ADGRE5: variants seen among roughly 807,000 people sequenced by gnomAD.
The protein encoded by ADGRE5 is CD97 molecule.
Under a neutral mutation model 100.3 loss-of-function variants are expected in ADGRE5, and 72 were observed. The ratio of observed to expected loss-of-function variants is 0.72; its 90% CI spans 0.59 to 0.87. ADGRE5 has a LOEUF of 0.87. ADGRE5 is among the 40% of genes least tolerant of loss of function. The pLI is 0.00. For synonymous variants in ADGRE5, 439 were observed against 447.8 expected, an observed-to-expected ratio of 0.98 and a Z score of 0.25; for missense variants, 959 against 1,094.7, an observed-to-expected ratio of 0.88 and a Z score of 1.75.
At chr19:14,397,006 T>C (rs541751483) in intron 5 of ADGRE5, 71 bp from the exon 6 acceptor site, 1 of 1,455,114 alleles carries the variant, frequency 6.9e-7, no homozygotes, top group South Asian at 1.3e-5. Flanking sequence ...GATAGGGGAG[T>C]GGGTGCAGTG....
At chr19:14,395,311 A>C (rs893153315) in intron 4 of ADGRE5, among the ~76,000 whole-genome samples, 31 of 151,738 alleles carry the variant, frequency 2.0e-4, no homozygotes, top group African/African-American at 7.3e-4. Context: ...CAAAAAAAAA[A>C]AAAAAAAACA....
In ADGRE5 at chr19:14,404,405, A is replaced by C; in HGVS notation, c.1472A>C (p.Gln491Pro). The C allele has an allele frequency of 6.2e-7, 1 of 1,610,502 alleles. No homozygotes were observed. Among genetic ancestry groups the C allele is most frequent in the Non-Finnish European group, 8.5e-7 (1 of 1,179,152 alleles). Reference sequence around the variant, plus strand: ...CAGGACGTGATGCCTGGGCCACGGCAGGAGCTGCTCTGTGCCTTCTGGAAG... The same window carrying C: ...CAGGACGTGATGCCTGGGCCACGGCCGGAGCTGCTCTGTGCCTTCTGGAAG... Reference protein sequence around the residue: ...PAKDVMPGPRQELLCAFWKSD... With the variant: ...PAKDVMPGPRPELLCAFWKSD... Residue 491 changes from glutamine (Q) to proline (P), a missense_variant, in exon 13 of 20, where the codon CAG (glutamine) becomes CCG (proline). Coordinates refer to ENST00000242786, the MANE Select transcript of ADGRE5 (RefSeq NM_078481.4).
chr19:14,407,898 G>C lies in ADGRE5; in HGVS notation c.2377-10G>C. 1 of 1,613,404 alleles carries C rather than the reference G, an allele frequency of 6.2e-7. No individual in the cohort carries two copies. The highest frequency in any genetic ancestry group is 8.5e-7 in the Non-Finnish European group (1 of 1,179,532). On this transcript the variant is annotated splice_polypyrimidine_tract_variant and intron_variant, in intron 18 of 19. Coordinates refer to ENST00000242786, the MANE Select transcript of ADGRE5 (RefSeq NM_078481.4). ...CTGCTCCTGCCCTGACTTGGTGTCT[G>C]GGCCGGCAGGTTCGGGAAGAATACC...
At position 14,397,814 on chromosome 19, in the gene ADGRE5, G is replaced by A; in HGVS notation, c.772+10G>A. ...GACACTGTCTGTGAAGGTATGACCT[G>A]GCCCTAGAAGCTCCCCACCCCCAGC... On this transcript the variant is annotated intron_variant, in intron 7 of 19. Coordinates refer to ENST00000242786, the MANE Select transcript of ADGRE5 (RefSeq NM_078481.4). 2.0e-6 allele frequency: 2 copies of A among 1,008,542 alleles called. No individual in the cohort carries two copies. Among genetic ancestry groups the A allele is most frequent in the Non-Finnish European group, 2.7e-6 (2 of 730,794 alleles). 62.5% of individuals were successfully genotyped at this position (1,008,542 alleles called of 1,614,324 possible). A position where few individuals can be genotyped will look rare whatever the true frequency, so the allele number is the denominator to read the frequency against.
At chr19:14,391,159 G>T (rs1352448335) in intron 4 of ADGRE5, 80 bp downstream of exon 4, 3 of 1,583,968 alleles carry the variant, frequency 1.9e-6, no homozygotes, top group Admixed American at 3.4e-5. Context: ...CATCCAGAGA[G>T]CAGGGCCTTG....
At chr19:14,404,332 C>T in intron 12 of ADGRE5, 51 bp from the exon 13 acceptor site, 2 of 1,559,726 alleles carry the variant, frequency 1.3e-6, no homozygotes, top group Non-Finnish European at 8.7e-7. Context: ...AGCCCAGGAC[C>T]TAAGAGTGAG....
At chr19:14,384,791 T>C (rs569980095) in intron 1 of ADGRE5, among the ~76,000 whole-genome samples, 5 of 151,718 alleles carry the variant, frequency 3.3e-5, no homozygotes, top group Non-Finnish European at 7.4e-5. Context: ...TCTATCACCA[T>C]GTAATTTCTG....
Position 14,406,857 on chromosome 19 carries a change from C to T in ADGRE5, c.2116-12C>T, listed in dbSNP as rs371916473. ...CTCTCGCCCTCTAACCCACAATCTG[C>T]TCCCTGCCCAGTGCAATGCTGTCAT... On this transcript the variant is annotated splice_polypyrimidine_tract_variant and intron_variant, in intron 16 of 19. Transcript: ENST00000242786. This position sits in a 1 kb window ranked among gnomAD's most constrained non-coding sequence, Gnocchi z 6.0. The T allele has an allele frequency of 1.9e-6, 3 of 1,613,632 alleles. No homozygotes were observed. Among genetic ancestry groups the T allele is most frequent in the Admixed American group, 3.3e-5 (2 of 60,032 alleles).
At chr19:14,388,323 CTCTGAACGACCGTCAGGA>C in intron 1 of ADGRE5, 109 bp from the exon 2 acceptor site, 2 of 1,474,980 alleles carry the variant, frequency 1.4e-6, no homozygotes, top group Non-Finnish European at 1.8e-6. Context: ...CATCTGCTCA[CTCTGAACGACCGTCAGGA>C]TCTGAGCCTG....
chr19:14,390,179 G>A (rs1298095110), intron 3 of ADGRE5, among the ~76,000 whole-genome samples: 2 of 151,820 alleles, frequency 1.3e-5, no homozygotes, highest in Admixed American at 1.3e-4. Context: ...GGAAATAAGG[G>A]AAGAATATGA....
At chr19:14,407,792 C>CA (rs758451699) in intron 18 of ADGRE5, 116 bp from the exon 19 acceptor site, 110 of 862,014 alleles carry the variant, frequency 1.3e-4, no homozygotes, top group Non-Finnish European at 1.7e-4. Context: ...GACCCGATCT[C>CA]AAAAAAAAGA....
chr19:14,384,398 C>T (rs942238485), intron 1 of ADGRE5, among the ~76,000 whole-genome samples: 4 of 152,196 alleles, frequency 2.6e-5, no homozygotes, highest in African/African-American at 7.2e-5. Context: ...GGAAGCCCCT[C>T]CAGGGTTGAA....
chr19:14,408,320 G>A lies in ADGRE5; in HGVS notation c.*199G>A, dbSNP rs1976372713. 3.1e-6 allele frequency: 2 copies of A among 655,058 alleles called. No individual in the cohort carries two copies. Among genetic ancestry groups the A allele is most frequent in the Middle Eastern group, 4.1e-4 (1 of 2,428 alleles). 40.6% of individuals were successfully genotyped at this position (655,058 alleles called of 1,614,324 possible). On this transcript the variant is annotated 3_prime_UTR_variant, in exon 20 of 20. Coordinates refer to ENST00000242786, the MANE Select transcript of ADGRE5 (RefSeq NM_078481.4). ...CAGTGGGGTGGAGTCGGAGCCACTG[G>A]TCCTGCTGCTGGCTGCCTCTCTGCT...
chr19:14,402,309 C>T (rs1040887111), intron 11 of ADGRE5, among the ~76,000 whole-genome samples: 2 of 151,860 alleles, frequency 1.3e-5, no homozygotes, highest in African/African-American at 4.8e-5. Context: ...GTGGCAGGTG[C>T]CTATAATCCC....
chr19:14,405,658 C>T, intron 13 of ADGRE5, 90 bp from the exon 14 acceptor site: 1 of 932,256 alleles, frequency 1.1e-6, no homozygotes, highest in Non-Finnish European at 1.7e-6. Flanking sequence ...GAGGTGGGCC[C>T]GTCAAAGTGT....
intron 9 of ADGRE5, among the ~76,000 whole-genome samples, chr19:14,400,843 G>A (rs1975980707): frequency 6.6e-6 from 1 of 152,028 alleles, no homozygotes; most frequent in South Asian, 2.1e-4. Flanking sequence ...TAGATCCAAC[G>A]TATTAACCAC....
chr19:14,402,792 C>G lies in ADGRE5; in HGVS notation c.1379C>G (p.Ser460Cys), dbSNP rs932482748. 1.2e-6 allele frequency: 2 copies of G among 1,614,066 alleles called. No homozygotes were observed. The highest frequency in any genetic ancestry group is 1.7e-6 in the Non-Finnish European group (2 of 1,179,996). ...CACAACAACACCAAGGAACTCAACT[C>G]CCCCATCCTTTTCGCCTTCTCCCAC... is the stretch of plus-strand genomic sequence containing the variant. ...LSHNNTKELN[S>C]PILFAFSHLE... is the part of the protein sequence containing the mutation. The change falls in exon 12 of 20, where the codon TCC (serine) becomes TGC (cysteine). Residue 460 changes from serine (S) to cysteine (C), a missense_variant. Physicochemically the swap from Ser to Cys is moderately radical, Grantham distance 112 (BLOSUM62 -1). Around this residue, in one of 6 missense-constraint regions of ADGRE5, gnomAD observed 246 missense variants for 242.2 expected, o/e 1.02. Transcript: ENST00000242786.
In ADGRE5 at chr19:14,406,624, C is replaced by A. The variant is rs1254514019; in HGVS notation, c.2048+67C>A. The A allele has an allele frequency of 8.1e-6, 13 of 1,599,200 alleles. No individual in the cohort carries two copies. Among genetic ancestry groups the A allele is most frequent in the East Asian group, 4.5e-5 (2 of 44,806 alleles). On this transcript the variant is annotated intron_variant, in intron 15 of 19. Coordinates refer to ENST00000242786, the MANE Select transcript of ADGRE5 (RefSeq NM_078481.4). The surrounding 1 kb of genome is among the most constrained non-coding windows in gnomAD (Gnocchi z 6.0). ...GGCCTGGGGCTCACAGGCAGTGCCA[C>A]ACACAATGTCCGGCCGCCCTCCGTT... is the stretch of plus-strand genomic sequence containing the variant.
chr19:14,402,559 G>A, intron 11 of ADGRE5, 38 bp from the exon 12 acceptor site: 1 of 1,610,130 alleles, frequency 6.2e-7, no homozygotes, highest in Non-Finnish European at 8.5e-7. Flanking sequence ...ATGGGAGGAG[G>A]ACAACGGGAG....
Sources: gnomAD v4.1 joint callset for allele counts (sites outside exome capture counted in the v4.1 genomes callset) on GRCh38, gnomAD v4.1.1 for gene constraint, gnomAD v4.1.1 regional missense constraint, Gnocchi (gnomAD v3.1) non-coding constraint, MANE v1.5 for transcripts, NCBI Gene and HGNC (gene_info 2026-07-23, HGNC 2026-07-21) for gene names.